PKNOX2: variants seen among roughly 807,000 people sequenced by gnomAD.
PKNOX2 encodes the protein PBX/knotted 1 homeobox 2, also known as homeobox protein PKNOX2.
PKNOX2 carries 14 observed loss-of-function variants against 53.1 expected under a neutral mutation model. The observed-to-expected ratio is 0.26, with a 90% CI of 0.17 to 0.41. The LOEUF (loss-of-function observed/expected upper bound fraction) is 0.41. Among genes scored for constraint, PKNOX2 ranks in the 10% least tolerant of loss-of-function variants. The probability of loss-of-function intolerance (pLI) is 1.00; values close to 1 mark genes in which losing one functional copy is unlikely to be tolerated. For synonymous variants in PKNOX2, 257 were observed against 242.8 expected, an observed-to-expected ratio of 1.06 and a Z score of -0.54; for missense variants, 496 against 602.8, an observed-to-expected ratio of 0.82 and a Z score of 1.85.
rs1334061863 is a variant in PKNOX2, at chr11:125,200,051, A to G, written c.-200-34994A>G. 3.3e-5 allele frequency among the ~76,000 whole-genome samples: 5 copies of G among 152,126 alleles called. No individual in the cohort carries two copies. In the East Asian group the frequency reaches 7.7e-4, roughly 24 times the overall value. ...TGTGATTCCACTTTCCCATCTATAG[A>G]CAGTGACACCAGTGGCCTCTTAGGG... On this transcript the variant is annotated intron_variant, in intron 1 of 12. Coordinates refer to ENST00000298282, the MANE Select transcript of PKNOX2 (RefSeq NM_001382323.2).
intron 7 of PKNOX2, among the ~76,000 whole-genome samples, chr11:125,407,793 CA>C (rs1955206782): frequency 6.6e-6 from 1 of 152,016 alleles, no homozygotes; most frequent in Non-Finnish European, 1.5e-5. Context: ...GCTTCAGCTT[CA>C]AATATAATAT....
chr11:125,173,430 C>A (rs1052721889), intron 1 of PKNOX2, among the ~76,000 whole-genome samples: 2 of 152,152 alleles, frequency 1.3e-5, no homozygotes, highest in Non-Finnish European at 2.9e-5. Context: ...CCAGGCTTAT[C>A]TTCTATGATG....
In PKNOX2 at chr11:125,175,385, C is replaced by T. The variant is rs539797438; in HGVS notation, c.-201+10609C>T. ...CTGGTTCTGGTGGCCCTGACCTGGC[C>T]GTGGTGGAACTGGGCTCTGGGGAGA... On this transcript the variant is annotated intron_variant, in intron 1 of 12. Transcript: ENST00000298282. 2.4e-3 allele frequency among the ~76,000 whole-genome samples: 365 copies of T among 152,294 alleles called. 2 individuals are homozygous for T. Among genetic ancestry groups the T allele is most frequent in the Non-Finnish European group, 3.6e-3 (246 of 68,014 alleles).
At chr11:125,415,143 C>T (rs570900736) in intron 10 of PKNOX2, among the ~76,000 whole-genome samples, 6 of 151,576 alleles carry the variant, frequency 4.0e-5, no homozygotes, top group Non-Finnish European at 7.4e-5. Flanking sequence ...TCCCAAGGTA[C>T]GGAGCTTTAT....
At chr11:125,413,816 A>T (rs1955710152) in intron 10 of PKNOX2, among the ~76,000 whole-genome samples, 1 of 151,784 alleles carries the variant, frequency 6.6e-6, no homozygotes, top group Non-Finnish European at 1.5e-5. Flanking sequence ...CATACCTACA[A>T]CCTCACTTCT....
intron 7 of PKNOX2, among the ~76,000 whole-genome samples, chr11:125,401,871 C>T (rs1645367168): frequency 6.6e-6 from 1 of 152,168 alleles, no homozygotes; most frequent in Non-Finnish European, 1.5e-5. Context: ...GAGCACCAGC[C>T]TGGCCTGGGG....
At chr11:125,221,222 G>A (rs952112866) in intron 1 of PKNOX2, among the ~76,000 whole-genome samples, 48 of 152,130 alleles carry the variant, frequency 3.2e-4, no homozygotes, top group African/African-American at 1.1e-3. Context: ...TGGACTCTGG[G>A]GCTGTGAGCC....
intron 4 of PKNOX2, among the ~76,000 whole-genome samples, chr11:125,356,029 A>ACCC (rs66888533): frequency 2.2e-5 from 2 of 89,908 alleles, no homozygotes; most frequent in African/African-American, 7.5e-5. Context: ...CACTATCAGC[A>ACCC]CCCCCCCCCC....
intron 1 of PKNOX2, among the ~76,000 whole-genome samples, chr11:125,167,762 A>G (rs1479995369): frequency 6.6e-6 from 1 of 152,196 alleles, no homozygotes; most frequent in East Asian, 1.9e-4. Context: ...ATTGTGTGGC[A>G]GTGGCAAATC....
intron 4 of PKNOX2, among the ~76,000 whole-genome samples, chr11:125,355,090 A>G (rs1951529520): frequency 6.6e-6 from 1 of 152,012 alleles, no homozygotes; most frequent in African/African-American, 2.4e-5. Flanking sequence ...AACACGGTGA[A>G]ACTCTGTCTC....
At chr11:125,237,179 T>A (rs1266165976) in intron 2 of PKNOX2, among the ~76,000 whole-genome samples, 1 of 152,178 alleles carries the variant, frequency 6.6e-6, no homozygotes, top group Non-Finnish European at 1.5e-5. Flanking sequence ...ATGTGACAGC[T>A]CCATGTAGCC....
rs188279541 is a variant in PKNOX2, at chr11:125,345,293, C to T, written c.-22-5991C>T. On this transcript the variant is annotated intron_variant, in intron 3 of 12. Coordinates refer to ENST00000298282, the MANE Select transcript of PKNOX2 (RefSeq NM_001382323.2). ...CTCTTTTTGAAACATTTCAACACAACAACTGATTTGGAGGTGACAAACCCC... is the reference window on the plus strand; with the variant it reads ...CTCTTTTTGAAACATTTCAACACAATAACTGATTTGGAGGTGACAAACCCC... Among the ~76,000 whole-genome samples, 92 of 152,312 alleles carry T rather than the reference C, an allele frequency of 6.0e-4. 3 individuals carry two copies. The highest frequency in any genetic ancestry group is 2.1e-3 in the African/African-American group (89 of 41,570).
intron 2 of PKNOX2, among the ~76,000 whole-genome samples, chr11:125,308,392 A>T (rs1948597867): frequency 6.6e-6 from 1 of 152,164 alleles, no homozygotes; most frequent in African/African-American, 2.4e-5. Flanking sequence ...AGTCCTGCTC[A>T]TGCTCTGGGG....
In PKNOX2 at chr11:125,416,302, CAAAAAAAAAAAA is replaced by C. The variant is rs61354494; in HGVS notation, c.936+4451_936+4462del. The stretch of plus-strand genomic sequence containing the variant: ...TGGGCGACAGAGCGAGACGCCGTCT[CAAAAAAAAAAAA>C]AAAAAAAAAAAAAGAAAGTGGAATT... On this transcript the variant is annotated intron_variant, in intron 10 of 12. Coordinates refer to ENST00000298282, the MANE Select transcript of PKNOX2 (RefSeq NM_001382323.2). 3.3e-4 allele frequency among the ~76,000 whole-genome samples: 23 copies of C among 70,458 alleles called. No homozygotes were observed. The East Asian group carries it at 4.3e-3, about 13-fold the overall frequency. The allele number at this position is 70,458 out of a possible 152,430, so 46.2% of individuals were successfully genotyped here.
chr11:125,200,607 T>C (rs1337519431), intron 1 of PKNOX2, among the ~76,000 whole-genome samples: 1 of 152,190 alleles, frequency 6.6e-6, no homozygotes, highest in African/African-American at 2.4e-5. Context: ...AACCTCCCCC[T>C]GGCCCTCCGT....
At chr11:125,307,517 C>A (rs776432122) in intron 2 of PKNOX2, among the ~76,000 whole-genome samples, 3 of 152,162 alleles carry the variant, frequency 2.0e-5, no homozygotes, top group Non-Finnish European at 2.9e-5. Context: ...GAGATTGCAC[C>A]ATTGCACCCC....
chr11:125,201,926 T>A (rs1416879724), intron 1 of PKNOX2, among the ~76,000 whole-genome samples: 1 of 152,194 alleles, frequency 6.6e-6, no homozygotes, highest in South Asian at 2.1e-4. Context: ...CGAGCTGCCT[T>A]GTGGCTGCTC....
At chr11:125,260,355 C>T (rs1192620064) in intron 2 of PKNOX2, among the ~76,000 whole-genome samples, 2 of 152,118 alleles carry the variant, frequency 1.3e-5, no homozygotes, top group African/African-American at 2.4e-5. Context: ...CGTGCCACCA[C>T]ATCCAGCTAA....
intron 1 of PKNOX2, among the ~76,000 whole-genome samples, chr11:125,189,433 GTGTGTGTGTGTGTGTATATATA>G (rs1485745372): frequency 1.3e-5 from 1 of 79,186 alleles, no homozygotes; most frequent in Non-Finnish European, 2.4e-5. Context: ...GTGTGTGTGT[GTGTGTGTGTGTGTGTATATATA>G]TATATATATA....
Sources: gnomAD v4.1 joint callset for allele counts (sites outside exome capture counted in the v4.1 genomes callset) on GRCh38, gnomAD v4.1.1 for gene constraint, MANE v1.5 for transcripts, NCBI Gene and HGNC (gene_info 2026-07-23, HGNC 2026-07-21) for gene names.